Variants in ZNF564 observed in about 807,000 individuals in gnomAD.
ZNF564 encodes the protein zinc finger protein 564.
A neutral mutation model predicts 10.5 loss-of-function variants in ZNF564; 5 were observed. The observed-to-expected ratio is 0.48, with a 90% CI of 0.25 to 1.00. The LOEUF is 1.00. Ranked by LOEUF, ZNF564 falls within the 50% of genes least tolerant of loss-of-function variation. ZNF564 has a pLI of 0.16. For synonymous variants in ZNF564, 242 were observed against 218.1 expected (o/e 1.11, Z -0.97); for missense variants, 603 against 669.7 (o/e 0.90, Z 1.10).
chr19:12,528,723 G>A (rs1475671481), intron 1 of ZNF564, 27 bp from the exon 2 acceptor site: 3 of 1,596,366 alleles, frequency 1.9e-6, no homozygotes, highest in Middle Eastern at 1.7e-4. Flanking sequence ...ATGCAATGCA[G>A]GAGGAAGAAT....
At chr19:12,546,815 C>G (rs936321993) in intron 1 of ZNF564, among the ~76,000 whole-genome samples, 1 of 152,164 alleles carries the variant, frequency 6.6e-6, no homozygotes, top group Admixed American at 6.6e-5. Context: ...CTTCACTGAT[C>G]AGTCAAAACA....
At chr19:12,545,300 C>CATCCTGGG (rs1191742929) in intron 1 of ZNF564, among the ~76,000 whole-genome samples, 3 of 147,958 alleles carry the variant, frequency 2.0e-5, no homozygotes, top group African/African-American at 7.5e-5. Flanking sequence ...GTGAGGGAAA[C>CATCCTGGG]ATCCTGGGAG....
At chr19:12,550,698 A>G (rs1267346639) in intron 1 of ZNF564, 1 of 158,114 alleles carries the variant, frequency 6.3e-6, no homozygotes, top group Non-Finnish European at 1.4e-5. Flanking sequence ...ATCCTTTCAA[A>G]AGAGTATGGT....
In ZNF564 at chr19:12,549,648, G is replaced by A. The variant is rs151009745; in HGVS notation, c.3+1682C>T. Among the ~76,000 whole-genome samples the A allele has an allele frequency of 3.1e-4, 47 of 152,304 alleles. No individual in the cohort carries two copies. In the East Asian group the frequency reaches 6.6e-3, roughly 21 times the overall value. On this transcript the variant is annotated intron_variant, in intron 1 of 3. Transcript: ENST00000339282. Reference sequence around the variant, plus strand: ...GTGTCCCTAAGGAACGGAAACTGGGGTTGAGGAAGAAAAGCTGAGCGTCCC... The same window carrying A: ...GTGTCCCTAAGGAACGGAAACTGGGATTGAGGAAGAAAAGCTGAGCGTCCC...
At chr19:12,547,252 T>C (rs1041347420) in intron 1 of ZNF564, among the ~76,000 whole-genome samples, 1 of 152,126 alleles carries the variant, frequency 6.6e-6, no homozygotes, top group Non-Finnish European at 1.5e-5. Context: ...GAGATGGTCT[T>C]ACTATGTGTA....
chr19:12,544,098 T>C (rs8102143), intron 1 of ZNF564, among the ~76,000 whole-genome samples: 63,907 of 152,018 alleles, frequency 0.42, 15,745 homozygotes, highest in Non-Finnish European at 0.57. Context: ...CCACCCAGCC[T>C]ATGGCAATGT....
At chr19:12,533,869 A>G (rs971363512) in intron 1 of ZNF564, among the ~76,000 whole-genome samples, 3 of 148,492 alleles carry the variant, frequency 2.0e-5, no homozygotes, top group Admixed American at 2.0e-4. Context: ...CAGGAAATCA[A>G]TAGAGATTAA....
At chr19:12,533,236 A>G (rs1182561960) in intron 1 of ZNF564, among the ~76,000 whole-genome samples, 1 of 152,106 alleles carries the variant, frequency 6.6e-6, no homozygotes, top group Non-Finnish European at 1.5e-5. Flanking sequence ...ATCTTTAGAG[A>G]TTAAACAACA....
intron 1 of ZNF564, among the ~76,000 whole-genome samples, chr19:12,542,610 G>A (rs375979905): frequency 0.012 from 1,749 of 149,506 alleles, 32 homozygotes; most frequent in African/African-American, 0.041. Flanking sequence ...GACATAGGGG[G>A]ACCATCTCAA....
intron 1 of ZNF564, among the ~76,000 whole-genome samples, chr19:12,538,132 C>T (rs1471429813): frequency 6.6e-6 from 1 of 151,828 alleles, no homozygotes; most frequent in African/African-American, 2.4e-5. Flanking sequence ...TTGTATAACA[C>T]ACATTCAACA....
chr19:12,533,435 G>A (rs2021846364), intron 1 of ZNF564, among the ~76,000 whole-genome samples: 1 of 152,176 alleles, frequency 6.6e-6, no homozygotes. Context: ...TCATCTAAGA[G>A]TCTACTTCGG....
At chr19:12,532,415 G>A (rs1401991255) in intron 1 of ZNF564, among the ~76,000 whole-genome samples, 2 of 150,148 alleles carry the variant, frequency 1.3e-5, no homozygotes, top group Non-Finnish European at 3.0e-5. Flanking sequence ...GGCGCCTGTA[G>A]TCCCAGCTAC....
chr19:12,544,452 T>C (rs1056053261), intron 1 of ZNF564, among the ~76,000 whole-genome samples: 3 of 152,192 alleles, frequency 2.0e-5, no homozygotes, highest in Admixed American at 2.0e-4. Flanking sequence ...GCTTTAACTT[T>C]CTCATACCAG....
At chr19:12,543,673 CAAA>C (rs57611686) in intron 1 of ZNF564, among the ~76,000 whole-genome samples, 2 of 62,252 alleles carry the variant, frequency 3.2e-5, no homozygotes, top group African/African-American at 7.0e-5. Context: ...GACTTCGTCT[CAAA>C]AAAAAAAAAA....
Position 12,527,860 on chromosome 19 carries a change from G to A in ZNF564, c.248C>T (p.Ala83Val), listed in dbSNP as rs752334232. The A allele has an allele frequency of 6.2e-7, 1 of 1,613,864 alleles. No individual in the cohort carries two copies. Among genetic ancestry groups the A allele is most frequent in the South Asian group, 1.1e-5 (1 of 91,036 alleles). Residue 83 changes from alanine (A) to valine (V), a missense_variant, in exon 4 of 4, where the codon GCC becomes GTC. Ala to Val is a moderately conservative substitution (Grantham distance 64). Transcript: ENST00000339282. The stretch of plus-strand genomic sequence containing the variant: ...ATTAAGATTGAGAATCTGACTGAAG[G>A]CTTCTCCACATTGATCATATTCTTT... ...ESKEYDQCGE[A>V]FSQILNLNLN...
intron 1 of ZNF564, among the ~76,000 whole-genome samples, chr19:12,548,552 A>G (rs2022195802): frequency 6.6e-6 from 1 of 152,060 alleles, no homozygotes; most frequent in Non-Finnish European, 1.5e-5. Context: ...GGGTTTCACC[A>G]TGTTAGCCAG....
Position 12,526,950 on chromosome 19 carries a change from C to T in ZNF564, c.1158G>A (p.Lys386=). The part of the protein sequence containing the change: ...SLPSVRRHMI[K]HTGDGPYKCQ... The stretch of plus-strand genomic sequence containing the variant: ...ATTTATAAGGTCCATCTCCAGTGTG[C>T]TTTATCATGTGTCTTCGGACACTTG... Residue 386 remains lysine (K), a synonymous_variant, in exon 4 of 4, where the codon AAG becomes AAA. Transcript: ENST00000339282. 1 of 1,614,038 alleles carries T rather than the reference C, an allele frequency of 6.2e-7. No individual in the cohort carries two copies.
chr19:12,549,928 A>C (rs2022220433), intron 1 of ZNF564, among the ~76,000 whole-genome samples: 1 of 152,196 alleles, frequency 6.6e-6, no homozygotes, highest in Non-Finnish European at 1.5e-5. Flanking sequence ...TCCAAAGGGG[A>C]AACTCCACCC....
At chr19:12,532,510 G>A (rs1404333405) in intron 1 of ZNF564, among the ~76,000 whole-genome samples, 4 of 143,430 alleles carry the variant, frequency 2.8e-5, no homozygotes, top group Admixed American at 2.1e-4. Context: ...ACTCCAGCCT[G>A]GGCGACAGAG....
Sources: allele counts gnomAD v4.1 joint callset (sites outside exome capture counted in the v4.1 genomes callset), GRCh38; gene constraint gnomAD v4.1.1; transcripts MANE v1.5; gene names NCBI Gene and HGNC (gene_info 2026-07-23, HGNC 2026-07-21).